PTPRD: variants seen among roughly 807,000 people sequenced by gnomAD.
The protein encoded by PTPRD is receptor-type tyrosine-protein phosphatase delta.
In PTPRD, 34 loss-of-function variants were observed where a neutral mutation model predicts 214.5. That is an observed-to-expected ratio of 0.16 (90% confidence interval 0.12 to 0.21). The LOEUF (loss-of-function observed/expected upper bound fraction) is 0.21. Among genes scored for constraint, PTPRD ranks in the 10% least tolerant of loss-of-function variants. The pLI is 1.00. For missense variants in PTPRD, 2,545 were observed against 2,398.7 expected, an observed-to-expected ratio of 1.06 and a Z score of -1.27; for synonymous variants, 1,128 against 845.7, an observed-to-expected ratio of 1.33 and a Z score of -5.79.
chr9:10,179,581 T>G (rs533818268), intron 3 of PTPRD, among the ~76,000 whole-genome samples: 6 of 152,044 alleles, frequency 3.9e-5, no homozygotes, highest in Admixed American at 1.3e-4. Flanking sequence ...TAAGTGCATA[T>G]TAAAATTGTT....
At chr9:10,448,674 G>A (rs1157126785) in intron 2 of PTPRD, among the ~76,000 whole-genome samples, 1 of 151,910 alleles carries the variant, frequency 6.6e-6, no homozygotes, top group Non-Finnish European at 1.5e-5. Context: ...TTACATCTGA[G>A]GATATTAGAG....
At chr9:9,128,456 T>C (rs1386743344) in intron 10 of PTPRD, among the ~76,000 whole-genome samples, 1 of 152,178 alleles carries the variant, frequency 6.6e-6, no homozygotes, top group African/African-American at 2.4e-5. Context: ...ACAAAACATA[T>C]ATTCAATTAT....
At chr9:8,589,336 T>G (rs978865598) in intron 14 of PTPRD, among the ~76,000 whole-genome samples, 3 of 152,192 alleles carry the variant, frequency 2.0e-5, no homozygotes, top group Non-Finnish European at 2.9e-5. Context: ...ACATTTAATG[T>G]AGCAAAATAC....
At chr9:8,465,755 T>C (rs2096532727) in intron 31 of PTPRD, 80 bp from the exon 32 acceptor site, 4 of 1,265,242 alleles carry the variant, frequency 3.2e-6, no homozygotes, top group Non-Finnish European at 4.4e-6. Flanking sequence ...GATAAATTAA[T>C]TCAGAACTGG....
chr9:9,864,237 C>T (rs1365066403), intron 5 of PTPRD, among the ~76,000 whole-genome samples: 1 of 151,668 alleles, frequency 6.6e-6, no homozygotes, highest in Admixed American at 6.6e-5. Flanking sequence ...ACCCGGGAGG[C>T]GGAGGTTGCA....
chr9:9,400,095 T>G (rs1288118886), intron 8 of PTPRD, among the ~76,000 whole-genome samples: 1 of 69,490 alleles, frequency 1.4e-5, no homozygotes, highest in Non-Finnish European at 3.6e-5. Context: ...CCTACTAGTT[T>G]TTTTTTTTTT....
intron 2 of PTPRD, among the ~76,000 whole-genome samples, chr9:10,528,600 T>C (rs531173835): frequency 4.3e-4 from 66 of 152,280 alleles, no homozygotes; most frequent in African/African-American, 1.6e-3. Flanking sequence ...CCAGCACACA[T>C]TGACAATTGA....
At chr9:8,928,248 T>C (rs1330382420) in intron 11 of PTPRD, among the ~76,000 whole-genome samples, 1 of 152,218 alleles carries the variant, frequency 6.6e-6, no homozygotes, top group Non-Finnish European at 1.5e-5. Context: ...TGCCATTGCT[T>C]TTGATATTTT....
chr9:10,400,159 G>C (rs1053590614), intron 2 of PTPRD, among the ~76,000 whole-genome samples: 3 of 151,742 alleles, frequency 2.0e-5, no homozygotes, highest in African/African-American at 4.8e-5. Flanking sequence ...GTAGTAGTCA[G>C]GCAGGTCAAC....
chr9:10,362,723 T>C (rs2154471763), intron 2 of PTPRD, among the ~76,000 whole-genome samples: 1 of 151,974 alleles, frequency 6.6e-6, no homozygotes, highest in African/African-American at 2.4e-5. Flanking sequence ...CTATTAAAAA[T>C]ATAAAAATTA....
intron 2 of PTPRD, among the ~76,000 whole-genome samples, chr9:10,444,933 T>C (rs1220661612): frequency 6.6e-6 from 1 of 151,944 alleles, no homozygotes; most frequent in Non-Finnish European, 1.5e-5. Context: ...AAATTGTACA[T>C]GTATACAGAA....
chr9:8,667,877 G>A (rs1214808227), intron 12 of PTPRD, among the ~76,000 whole-genome samples: 1 of 152,092 alleles, frequency 6.6e-6, no homozygotes, highest in Non-Finnish European at 1.5e-5. Context: ...AATTAATGCA[G>A]TTTCAGTAAG....
intron 37 of PTPRD, 151 bp from the exon 38 acceptor site, chr9:8,376,877 T>C (rs769349826): frequency 1.0e-6 from 1 of 986,040 alleles, no homozygotes; most frequent in African/African-American, 1.6e-5. Flanking sequence ...CCAATATATG[T>C]AAATTACTGC....
chr9:10,208,867 C>A (rs752936220), intron 3 of PTPRD, among the ~76,000 whole-genome samples: 3 of 152,130 alleles, frequency 2.0e-5, no homozygotes, highest in Admixed American at 6.5e-5. Flanking sequence ...GCATATTGCA[C>A]CAGCTGTGAA....
chr9:9,859,245 T>G (rs2062176755), intron 5 of PTPRD, among the ~76,000 whole-genome samples: 1 of 152,320 alleles, frequency 6.6e-6, no homozygotes, highest in African/African-American at 2.4e-5. Context: ...TTAATGAAAC[T>G]TCTTTTGCTT....
At chr9:8,343,666 C>G (rs1854683237) in intron 39 of PTPRD, among the ~76,000 whole-genome samples, 1 of 152,022 alleles carries the variant, frequency 6.6e-6, no homozygotes, top group African/African-American at 2.4e-5. Context: ...TACTACAATT[C>G]TAACCAAATT....
chr9:9,369,122 T>C (rs1028433911), intron 9 of PTPRD, among the ~76,000 whole-genome samples: 3 of 152,126 alleles, frequency 2.0e-5, no homozygotes, highest in African/African-American at 7.2e-5. Flanking sequence ...TAGTATTCCA[T>C]GGTGTACATG....
intron 2 of PTPRD, among the ~76,000 whole-genome samples, chr9:10,444,599 C>A (rs1212250911): frequency 6.6e-6 from 1 of 150,908 alleles, no homozygotes; most frequent in Non-Finnish European, 1.5e-5. Flanking sequence ...CCTACTATGA[C>A]AATTATATGA....
At chr9:10,186,004 G>A (rs926882289) in intron 3 of PTPRD, among the ~76,000 whole-genome samples, 1 of 152,070 alleles carries the variant, frequency 6.6e-6, no homozygotes, top group Non-Finnish European at 1.5e-5. Context: ...AATGGCTCAG[G>A]TTTGAGAGGT....
Sources: allele counts gnomAD v4.1 joint callset (sites outside exome capture counted in the v4.1 genomes callset), GRCh38; gene constraint gnomAD v4.1.1; transcripts MANE v1.5; gene names NCBI Gene and HGNC (gene_info 2026-07-23, HGNC 2026-07-21).